FHIT: variants seen among roughly 807,000 people sequenced by gnomAD.
FHIT encodes fragile histidine triad diadenosine triphosphatase, also known as bis(5'-adenosyl)-triphosphatase.
Under a neutral mutation model 17.9 loss-of-function variants are expected in FHIT, and 19 were observed. That is an observed-to-expected ratio of 1.06 (90% CI 0.74 to 1.56). FHIT has a LOEUF of 1.56. FHIT is among the 40% of genes most tolerant of loss of function. FHIT has a pLI of 0.00. For missense variants in FHIT, 248 were observed against 189.2 expected (o/e 1.31, Z -1.82); for synonymous variants, 81 against 69.7 (o/e 1.16, Z -0.81).
intron 4 of FHIT, among the ~76,000 whole-genome samples, chr3:60,557,464 T>C (rs2036780378): frequency 6.6e-6 from 1 of 152,056 alleles, no homozygotes; most frequent in South Asian, 2.1e-4. Context: ...CAATCACTGC[T>C]ACCCACAGAG....
intron 4 of FHIT, among the ~76,000 whole-genome samples, chr3:60,691,177 T>A (rs2040980888): frequency 6.6e-6 from 1 of 152,166 alleles, no homozygotes; most frequent in South Asian, 2.1e-4. Flanking sequence ...CTTTTATTAA[T>A]CTTTCACTAC....
At chr3:60,659,789 C>T (rs1553690594) in intron 4 of FHIT, among the ~76,000 whole-genome samples, 1 of 152,044 alleles carries the variant, frequency 6.6e-6, no homozygotes, top group South Asian at 2.1e-4. Context: ...CTCGTTGGTT[C>T]ATTTTCTTTC....
intron 5 of FHIT, among the ~76,000 whole-genome samples, chr3:60,148,353 A>G (rs2107321649): frequency 6.6e-6 from 1 of 152,302 alleles, no homozygotes; most frequent in East Asian, 1.9e-4. Context: ...CAATTGTTTG[A>G]AAATAGGGAA....
At position 60,268,629 on chromosome 3, in the gene FHIT, G is replaced by C. The variant is rs1031964068; in HGVS notation, c.104-254477C>G. The stretch of plus-strand genomic sequence containing the variant: ...TTTTCATTAGCCAGTATACATCCTT[G>C]ATTGTGACTGCTATATATAGTTTAC... On this transcript the variant is annotated intron_variant, in intron 5 of 9. Transcript: ENST00000492590. 2.0e-5 allele frequency among the ~76,000 whole-genome samples: 3 copies of C among 152,320 alleles called. No homozygotes were observed. In the East Asian group the frequency reaches 5.8e-4, roughly 29 times the overall value.
chr3:59,770,449 G>T (rs997299723), intron 8 of FHIT, among the ~76,000 whole-genome samples: 1 of 152,146 alleles, frequency 6.6e-6, no homozygotes, highest in Admixed American at 6.5e-5. Context: ...TGCCATGCAC[G>T]CAAAGAGATT....
intron 4 of FHIT, among the ~76,000 whole-genome samples, chr3:60,673,065 C>T (rs542925840): frequency 3.3e-5 from 5 of 152,120 alleles, no homozygotes; most frequent in African/African-American, 1.2e-4. Flanking sequence ...CATTATAATC[C>T]TTTCAATACA....
At chr3:60,390,469 T>C (rs1470161230) in intron 5 of FHIT, among the ~76,000 whole-genome samples, 2 of 149,328 alleles carry the variant, frequency 1.3e-5, no homozygotes, top group Admixed American at 6.7e-5. Context: ...CTTTTAACGA[T>C]TATTTTAGAG....
At chr3:60,211,956 A>T (rs769806727) in intron 5 of FHIT, among the ~76,000 whole-genome samples, 80 of 152,176 alleles carry the variant, frequency 5.3e-4, no homozygotes, top group Non-Finnish European at 9.1e-4. Flanking sequence ...ACACACGTAA[A>T]CTTATTTGGA....
chr3:61,210,906 G>T (rs1480876181), intron 1 of FHIT, among the ~76,000 whole-genome samples: 2 of 151,822 alleles, frequency 1.3e-5, no homozygotes, highest in African/African-American at 4.8e-5. Flanking sequence ...CTCACACTGG[G>T]AGCTGTAGAC....
intron 8 of FHIT, among the ~76,000 whole-genome samples, chr3:59,795,323 G>A (rs1008687923): frequency 4.6e-5 from 7 of 151,886 alleles, no homozygotes; most frequent in African/African-American, 1.7e-4. Flanking sequence ...GGCAGAGGCT[G>A]CAGTGAGCCG....
chr3:60,347,059 G>A (rs534431614), intron 5 of FHIT, among the ~76,000 whole-genome samples: 6 of 60,838 alleles, frequency 9.9e-5, no homozygotes, highest in Admixed American at 2.2e-4. Context: ...ATACTTTTAT[G>A]ATATTCTTGA....
At chr3:61,146,705 G>C (rs1234667375) in intron 2 of FHIT, among the ~76,000 whole-genome samples, 1 of 151,942 alleles carries the variant, frequency 6.6e-6, no homozygotes, top group Non-Finnish European at 1.5e-5. Flanking sequence ...CCAATCATTA[G>C]GCAAAAAATG....
intron 2 of FHIT, among the ~76,000 whole-genome samples, chr3:61,169,432 C>T (rs1050231735): frequency 6.6e-6 from 1 of 152,088 alleles, no homozygotes; most frequent in African/African-American, 2.4e-5. Context: ...CATTTTTATA[C>T]CTATATGAGT....
rs577735073 is a variant in FHIT, at chr3:60,963,849, G to A, written c.-111+78198C>T. The stretch of plus-strand genomic sequence containing the variant: ...ATTTGCAAAGGAGTGCTTTACTTCC[G>A]ACTATGTGGTCAGTTTTGGAATAAG... On this transcript the variant is annotated intron_variant, in intron 3 of 9. Transcript: ENST00000492590. 8.5e-5 allele frequency among the ~76,000 whole-genome samples: 13 copies of A among 152,198 alleles called. No individual in the cohort carries two copies. The South Asian group carries it at 2.1e-3, about 24-fold the overall frequency.
intron 2 of FHIT, among the ~76,000 whole-genome samples, chr3:61,096,185 G>A (rs1051440317): frequency 2.0e-5 from 3 of 152,164 alleles, no homozygotes; most frequent in African/African-American, 7.2e-5. Context: ...ATGATGCTGT[G>A]CAAGGAAGTT....
At chr3:60,699,863 G>A (rs2041201152) in intron 4 of FHIT, among the ~76,000 whole-genome samples, 1 of 151,552 alleles carries the variant, frequency 6.6e-6, no homozygotes. Context: ...GCACACATAC[G>A]CCAGGTACAG....
At chr3:59,899,843 C>T (rs9851955) in intron 8 of FHIT, among the ~76,000 whole-genome samples, 4,098 of 152,082 alleles carry the variant, frequency 0.027, 166 homozygotes, top group African/African-American at 0.093. Context: ...AAGTCTCCTT[C>T]TCAAAAAACA....
intron 1 of FHIT, among the ~76,000 whole-genome samples, chr3:61,245,165 A>C (rs1010129425): frequency 1.3e-5 from 2 of 152,212 alleles, no homozygotes; most frequent in Admixed American, 6.5e-5. Flanking sequence ...TGTGTTTTTT[A>C]TTGACAATGA....
intron 4 of FHIT, among the ~76,000 whole-genome samples, chr3:60,572,213 C>T (rs997337117): frequency 5.9e-5 from 9 of 152,090 alleles, no homozygotes; most frequent in African/African-American, 2.2e-4. Flanking sequence ...GTACAGACTG[C>T]TTTGAAACTG....
Sources: allele counts gnomAD v4.1 joint callset (sites outside exome capture counted in the v4.1 genomes callset), GRCh38; gene constraint gnomAD v4.1.1; transcripts MANE v1.5; gene names NCBI Gene and HGNC (gene_info 2026-07-23, HGNC 2026-07-21).